CBLB: variants seen among roughly 807,000 people sequenced by gnomAD.
CBLB encodes the protein Cbl proto-oncogene B.
In CBLB, 31 loss-of-function variants were observed where a neutral mutation model predicts 104.9. The observed-to-expected ratio is 0.30, with a 90% CI of 0.22 to 0.40. The LOEUF (loss-of-function observed/expected upper bound fraction) is 0.40. Among genes scored for constraint, CBLB ranks in the 10% least tolerant of loss-of-function variants. The pLI is 1.00. For synonymous variants in CBLB, 440 were observed against 422.6 expected, an observed-to-expected ratio of 1.04 and a Z score of -0.51; for missense variants, 1,062 against 1,214.6, an observed-to-expected ratio of 0.87 and a Z score of 1.87.
At chr3:105,710,652 T>C (rs1397883656) in intron 10 of CBLB, among the ~76,000 whole-genome samples, 3 of 151,940 alleles carry the variant, frequency 2.0e-5, no homozygotes, top group Non-Finnish European at 4.4e-5. Context: ...CACACCAGTA[T>C]ATTTGTCTAA....
chr3:105,853,206 A>C (rs980728742), intron 3 of CBLB, among the ~76,000 whole-genome samples: 2 of 152,198 alleles, frequency 1.3e-5, no homozygotes, highest in African/African-American at 4.8e-5. Flanking sequence ...AGCTCTGTGT[A>C]AGTACACTCT....
chr3:105,714,015 C>G (rs2071487199), intron 10 of CBLB, among the ~76,000 whole-genome samples: 1 of 152,152 alleles, frequency 6.6e-6, no homozygotes, highest in Non-Finnish European at 1.5e-5. Context: ...AGTTGAGAAC[C>G]ATGTTCTGCA....
intron 4 of CBLB, among the ~76,000 whole-genome samples, chr3:105,772,932 C>T (rs1444500733): frequency 6.6e-6 from 1 of 152,120 alleles, no homozygotes; most frequent in Non-Finnish European, 1.5e-5. Flanking sequence ...TTCTACATTG[C>T]TGGTGGGAGT....
chr3:105,679,335 T>TAAAAAA (rs1559790254), intron 16 of CBLB, among the ~76,000 whole-genome samples: 19 of 75,160 alleles, frequency 2.5e-4, no homozygotes, highest in East Asian at 7.2e-4. Context: ...CCTTGAGTCT[T>TAAAAAA]TAAAAAAAAA....
intron 3 of CBLB, among the ~76,000 whole-genome samples, chr3:105,795,372 C>T (rs1240504514): frequency 6.6e-6 from 1 of 152,140 alleles, no homozygotes; most frequent in Non-Finnish European, 1.5e-5. Flanking sequence ...CACAAGTATA[C>T]ATCATATAAT....
intron 9 of CBLB, 36 bp downstream of exon 9, chr3:105,733,973 A>C (rs773544462): frequency 2.5e-6 from 4 of 1,598,304 alleles, no homozygotes; most frequent in Admixed American, 1.7e-5. Context: ...TTAGTAGGAC[A>C]TATAAGAAAG....
chr3:105,687,661 T>A (rs2067179520), intron 13 of CBLB, among the ~76,000 whole-genome samples: 1 of 152,032 alleles, frequency 6.6e-6, no homozygotes, highest in Non-Finnish European at 1.5e-5. Flanking sequence ...TTCTAAAGAT[T>A]CAGATTTTAT....
At position 105,740,366 on chromosome 3, in the gene CBLB, G is replaced by T. The variant is rs1021895916; in HGVS notation, c.983+128C>A. On this transcript the variant is annotated intron_variant, in intron 7 of 18. Transcript: ENST00000394030. Reference sequence around the variant, plus strand: ...ATAAAAAGATGAACAAAAAACTAAGGAACATCCATTATTTCTCAGTCTTAA... The same window carrying T: ...ATAAAAAGATGAACAAAAAACTAAGTAACATCCATTATTTCTCAGTCTTAA... 7 of 905,290 alleles carry T rather than the reference G, an allele frequency of 7.7e-6. No individual in the cohort carries two copies. The African/African-American group carries it at 9.9e-5, about 13-fold the overall frequency. 56.1% of individuals were successfully genotyped at this position (905,290 alleles called of 1,614,324 possible).
chr3:105,738,953 A>AG (rs1345642185), intron 7 of CBLB, among the ~76,000 whole-genome samples: 1 of 152,246 alleles, frequency 6.6e-6, no homozygotes, highest in Non-Finnish European at 1.5e-5. Context: ...TCTGATGCAC[A>AG]GGCTGGAGTG....
rs528448969 is a variant in CBLB, at chr3:105,761,518, T to G, written c.567-9900A>C. 2.6e-5 allele frequency among the ~76,000 whole-genome samples: 4 copies of G among 152,296 alleles called. No individual in the cohort carries two copies. The South Asian group carries it at 8.3e-4, about 32-fold the overall frequency. ...ATAAGCCACATGAGATCTGAGGGTTTTATAGGGGTTTCCCTTTTTGCTTAG... is the reference window on the plus strand; with the variant it reads ...ATAAGCCACATGAGATCTGAGGGTTGTATAGGGGTTTCCCTTTTTGCTTAG... On this transcript the variant is annotated intron_variant, in intron 4 of 18. Transcript: ENST00000394030.
chr3:105,800,962 A>G (rs2082791319), intron 3 of CBLB, among the ~76,000 whole-genome samples: 1 of 152,154 alleles, frequency 6.6e-6, no homozygotes, highest in Non-Finnish European at 1.5e-5. Flanking sequence ...TGTCATGTGA[A>G]AGTAAGAGGG....
chr3:105,745,795 A>T (rs1388997176), intron 6 of CBLB, 122 bp downstream of exon 6: 2 of 873,550 alleles, frequency 2.3e-6, no homozygotes, highest in Non-Finnish European at 3.8e-6. Flanking sequence ...TTGGTCTTTT[A>T]CCTTTTCTAG....
At chr3:105,676,345 AAAAT>A (rs1320853847) in intron 17 of CBLB, among the ~76,000 whole-genome samples, 41 of 152,244 alleles carry the variant, frequency 2.7e-4, no homozygotes, top group African/African-American at 8.4e-4. Flanking sequence ...CAATTAAGAT[AAAAT>A]AAATAACTAA....
intron 3 of CBLB, among the ~76,000 whole-genome samples, chr3:105,845,733 A>T (rs1289188667): frequency 6.6e-6 from 1 of 152,106 alleles, no homozygotes; most frequent in Admixed American, 6.6e-5. Flanking sequence ...TTTAACTTTG[A>T]AAACATTTGT....
intron 13 of CBLB, 150 bp from the exon 14 acceptor site, chr3:105,685,616 A>C (rs755978935): frequency 1.6e-5 from 11 of 696,300 alleles, no homozygotes; most frequent in Non-Finnish European, 2.5e-5. Flanking sequence ...TTCTTATATC[A>C]AATACAAATG....
intron 3 of CBLB, among the ~76,000 whole-genome samples, chr3:105,798,394 T>G (rs1242468771): frequency 6.6e-6 from 1 of 152,216 alleles, no homozygotes; most frequent in Non-Finnish European, 1.5e-5. Flanking sequence ...CAGAAACACA[T>G]GAGGTCCAGC....
At position 105,656,447 on chromosome 3, in the gene CBLB, G is replaced by C. The variant is rs2063356032; in HGVS notation, c.*2523C>G. The C allele has an allele frequency of 5.2e-6, 1 of 192,210 alleles. No individual in the cohort carries two copies. The highest frequency in any genetic ancestry group is 6.2e-5 in the Admixed American group (1 of 16,258). The allele number at this position is 192,210 out of a possible 1,614,324, so 11.9% of individuals were successfully genotyped here. On this transcript the variant is annotated 3_prime_UTR_variant, in exon 19 of 19. Transcript: ENST00000394030. ...AATTTCATAGGTGATAGATAGCAAT[G>C]GGTCTTTCTTGACAGTGTTTAATAG...
intron 3 of CBLB, among the ~76,000 whole-genome samples, chr3:105,806,987 G>A (rs532999292): frequency 7.5e-4 from 114 of 152,072 alleles, no homozygotes; most frequent in Non-Finnish European, 1.4e-3. Flanking sequence ...AGCTGCACAG[G>A]GACACGAACA....
chr3:105,729,576 T>A (rs1017484797), intron 9 of CBLB, among the ~76,000 whole-genome samples: 1 of 152,128 alleles, frequency 6.6e-6, no homozygotes, highest in Admixed American at 6.5e-5. Flanking sequence ...GTTATTTTAA[T>A]CTAAGTCCAG....
Sources: gnomAD v4.1 joint callset for allele counts (sites outside exome capture counted in the v4.1 genomes callset) on GRCh38, gnomAD v4.1.1 for gene constraint, MANE v1.5 for transcripts, NCBI Gene and HGNC (gene_info 2026-07-23, HGNC 2026-07-21) for gene names.